PEPD: variants seen among roughly 807,000 people sequenced by gnomAD.
PEPD encodes the protein peptidase D, also known as xaa-Pro dipeptidase.
In PEPD, 53 loss-of-function variants were observed where a neutral mutation model predicts 60.7. That is an observed-to-expected ratio of 0.87 (90% CI 0.70 to 1.10). The LOEUF is 1.10. Among genes scored for constraint, PEPD ranks in the 50% least tolerant of loss-of-function variants. The probability of loss-of-function intolerance (pLI) is 0.00; values close to 1 mark genes in which losing one functional copy is unlikely to be tolerated. For missense variants in PEPD, 711 were observed against 711.9 expected (o/e 1.00, Z 0.01); for synonymous variants, 267 against 284.1 (o/e 0.94, Z 0.60).
At chr19:33,521,665 C>G (rs905017847) in intron 1 of PEPD, 79 bp downstream of exon 1, 2 of 1,439,764 alleles carry the variant, frequency 1.4e-6, no homozygotes, top group South Asian at 2.4e-5. Context: ...CCGGCTGACG[C>G]TCTCACCCGC....
chr19:33,480,914 C>T (rs1174546997), intron 6 of PEPD, among the ~76,000 whole-genome samples: 2 of 152,008 alleles, frequency 1.3e-5, no homozygotes, highest in Non-Finnish European at 2.9e-5. Flanking sequence ...CTCAAGTGCA[C>T]ATGGATCATT....
chr19:33,427,992 C>T (rs1969186897), intron 9 of PEPD, among the ~76,000 whole-genome samples: 1 of 152,060 alleles, frequency 6.6e-6, no homozygotes, highest in African/African-American at 2.4e-5. Context: ...CTGATCATGG[C>T]AAAGCACTGG....
intron 1 of PEPD, among the ~76,000 whole-genome samples, chr19:33,514,205 G>T (rs192706283): frequency 3.5e-4 from 53 of 152,262 alleles, no homozygotes; most frequent in African/African-American, 1.2e-3. Flanking sequence ...CCAGCCAGGG[G>T]GCAGTGGGTG....
rs990365287 is a variant in PEPD at position 33,490,016 on chromosome 19, G to A, written c.483C>T (p.Ala161=). 5 of 1,610,510 alleles carry A rather than the reference G, an allele frequency of 3.1e-6. No individual in the cohort carries two copies. Among genetic ancestry groups the A allele is most frequent in the African/African-American group, 2.7e-5 (2 of 74,854 alleles). ...NTDSGSVCRE[A]SFDGISKFEV... ...CTCACTTGCTGATGCCGTCAAAGGA[G>A]GCCTCCCTGCAGACACTGCCGCTGT... Residue 161 remains alanine (A), a synonymous_variant, in exon 6 of 15, where the codon GCC becomes GCT. Coordinates refer to ENST00000244137, the MANE Select transcript of PEPD (RefSeq NM_000285.4).
chr19:33,466,512 G>A (rs1439280153), intron 7 of PEPD, among the ~76,000 whole-genome samples: 1 of 152,154 alleles, frequency 6.6e-6, no homozygotes, highest in East Asian at 1.9e-4. Context: ...CAGGAAATAT[G>A]GGGATAGAAG....
chr19:33,423,351 G>A (rs1272107733), intron 9 of PEPD, among the ~76,000 whole-genome samples: 1 of 152,246 alleles, frequency 6.6e-6, no homozygotes, highest in East Asian at 1.9e-4. Context: ...CTCTCTGTAT[G>A]ATGGCCACGC....
rs529411923 is a variant in PEPD, at chr19:33,449,725, C to T, written c.671+13270G>A. ...TCAGATGAAAGAAGTCGGTCATAGACTATCGCAGGTGCTCACAGGGACCAC... is the reference window on the plus strand; with the variant it reads ...TCAGATGAAAGAAGTCGGTCATAGATTATCGCAGGTGCTCACAGGGACCAC... On this transcript the variant is annotated intron_variant, in intron 9 of 14. Coordinates refer to ENST00000244137, the MANE Select transcript of PEPD (RefSeq NM_000285.4). 2.0e-5 allele frequency among the ~76,000 whole-genome samples: 3 copies of T among 149,792 alleles called. No individual in the cohort carries two copies. The South Asian group carries it at 6.4e-4, about 32-fold the overall frequency.
rs1417910205 is a variant in PEPD at position 33,450,065 on chromosome 19, GA to G, written c.671+12929del. On this transcript the variant is annotated intron_variant, in intron 9 of 14. Transcript: ENST00000244137. ...TGGCCAAGCTGCCTCTGTCTCCGCA[GA>G]TCTGTCACATGCACCACCTGGTCTC... Among the ~76,000 whole-genome samples, 6 of 152,330 alleles carry G rather than the reference GA, an allele frequency of 3.9e-5. No individual in the cohort carries two copies. The South Asian group carries it at 1.2e-3, about 32-fold the overall frequency.
At chr19:33,402,293 C>T (rs1263627652) in intron 11 of PEPD, among the ~76,000 whole-genome samples, 1 of 152,216 alleles carries the variant, frequency 6.6e-6, no homozygotes, top group East Asian at 1.9e-4. Context: ...ACAGGCTCTC[C>T]CAGGTCTCCC....
intron 13 of PEPD, among the ~76,000 whole-genome samples, chr19:33,389,287 A>C (rs1010425013): frequency 6.6e-6 from 1 of 152,072 alleles, no homozygotes; most frequent in Non-Finnish European, 1.5e-5. Context: ...GCCCCACAAC[A>C]CTTGCCTCTG....
At chr19:33,436,692 G>A (rs570544570) in intron 9 of PEPD, among the ~76,000 whole-genome samples, 36 of 152,334 alleles carry the variant, frequency 2.4e-4, no homozygotes, top group South Asian at 6.2e-4. Context: ...CACCTCATGG[G>A]CACTGAGCCA....
intron 9 of PEPD, among the ~76,000 whole-genome samples, chr19:33,453,199 A>G (rs1368176587): frequency 6.6e-6 from 1 of 152,134 alleles, no homozygotes; most frequent in African/African-American, 2.4e-5. Context: ...TTCTAGTCCC[A>G]GCTACTCCAG....
intron 9 of PEPD, among the ~76,000 whole-genome samples, chr19:33,426,352 T>C (rs1456015320): frequency 6.6e-6 from 1 of 152,250 alleles, no homozygotes; most frequent in Non-Finnish European, 1.5e-5. Context: ...AAACATCAAA[T>C]TGCTTTTTCA....
At chr19:33,411,322 G>A (rs1968764935) in intron 11 of PEPD, among the ~76,000 whole-genome samples, 1 of 152,184 alleles carries the variant, frequency 6.6e-6, no homozygotes, top group Non-Finnish European at 1.5e-5. Context: ...AAGACAGAAA[G>A]ATGCGAGCGT....
chr19:33,453,778 T>C (rs1000478586), intron 9 of PEPD, among the ~76,000 whole-genome samples: 4 of 152,222 alleles, frequency 2.6e-5, no homozygotes, highest in African/African-American at 9.6e-5. Context: ...TGAAGTGCTA[T>C]TATTTTTTTC....
rs192134311 is a variant in PEPD, at chr19:33,435,732, G to A, written c.672-22089C>T. On this transcript the variant is annotated intron_variant, in intron 9 of 14. Coordinates refer to ENST00000244137, the MANE Select transcript of PEPD (RefSeq NM_000285.4). ...CGTATGGCCGTTAGTTCTCAATCAC[G>A]ACAGGACTGGGTGTCAGAACCTCCC... Among the ~76,000 whole-genome samples, 425 of 152,354 alleles carry A rather than the reference G, an allele frequency of 2.8e-3. 1 individual carries two copies. Among genetic ancestry groups the A allele is most frequent in the African/African-American group, 9.4e-3 (389 of 41,592 alleles).
chr19:33,496,932 G>A (rs1430270409), intron 4 of PEPD, among the ~76,000 whole-genome samples: 1 of 152,256 alleles, frequency 6.6e-6, no homozygotes, highest in Non-Finnish European at 1.5e-5. Context: ...CAAAAAAGCT[G>A]GATATGCCTT....
In PEPD at chr19:33,463,979, T is replaced by C. The variant is rs1268346334; in HGVS notation, c.624+8A>G. ...TCCCCACTCAACCAGAGCCGGTGCCTGACTTACCTCACGGTGGGCCTCGCT... is the reference window on the plus strand; with the variant it reads ...TCCCCACTCAACCAGAGCCGGTGCCCGACTTACCTCACGGTGGGCCTCGCT... On this transcript the variant is annotated splice_region_variant and intron_variant, in intron 8 of 14. Transcript: ENST00000244137. 1 of 1,596,390 alleles carries C rather than the reference T, an allele frequency of 6.3e-7. No homozygotes were observed. The highest frequency in any genetic ancestry group is 1.7e-5 in the Admixed American group (1 of 59,532).
At chr19:33,419,713 C>A (rs1476140425) in intron 9 of PEPD, among the ~76,000 whole-genome samples, 1 of 152,236 alleles carries the variant, frequency 6.6e-6, no homozygotes, top group East Asian at 1.9e-4. Context: ...TGGGTGATGC[C>A]ATGGCTAACG....
Sources: allele counts gnomAD v4.1 joint callset (sites outside exome capture counted in the v4.1 genomes callset), GRCh38; gene constraint gnomAD v4.1.1; transcripts MANE v1.5; gene names NCBI Gene and HGNC (gene_info 2026-07-23, HGNC 2026-07-21).